Variants in RPA3 observed in about 807,000 individuals in gnomAD.
RPA3 encodes the protein replication protein A 14 kDa subunit.
A neutral mutation model predicts 13.7 loss-of-function variants in RPA3; 24 were observed. That is an observed-to-expected ratio of 1.75 (90% CI 1.27 to 2.46). The LOEUF (loss-of-function observed/expected upper bound fraction) is 2.46, where lower values mean the gene tolerates loss of function less well. Among genes scored for constraint, RPA3 ranks in the 30% most tolerant of loss-of-function variants. RPA3 has a pLI of 0.00. For synonymous variants in RPA3, 59 were observed against 51.2 expected, an observed-to-expected ratio of 1.15 and a Z score of -0.65; for missense variants, 183 against 151.0, an observed-to-expected ratio of 1.21 and a Z score of -1.11.
At chr7:7,655,097 C>T (rs62452504) in intron 4 of RPA3, among the ~76,000 whole-genome samples, 1 of 151,948 alleles carries the variant, frequency 6.6e-6, no homozygotes, top group African/African-American at 2.4e-5. Context: ...AGCAATGATT[C>T]CAGACAGTTC....
chr7:7,640,367 C>G lies in RPA3; in HGVS notation c.52G>C (p.Ala18Pro), dbSNP rs116339433. 30 of 1,614,132 alleles carry G rather than the reference C, an allele frequency of 1.9e-5. No individual in the cohort carries two copies. The highest frequency in any genetic ancestry group is 2.2e-5 in the Non-Finnish European group (26 of 1,180,038). ...PRSRINAGMLAQFIDKPVCFV... is the reference protein window; with the variant it reads ...PRSRINAGMLPQFIDKPVCFV... ...CAGACAGGCTTGTCGATGAATTGAG[C>G]TAGCATGCCGGCGTTGATGCGCGAC... The change falls in exon 5 of 8, where the codon GCT becomes CCT. Residue 18 changes from alanine (A) to proline (P), a missense_variant. Physicochemically the swap from Ala to Pro is conservative, Grantham distance 27. Transcript: ENST00000223129.
chr7:7,700,417 C>T (rs1458891332), intron 2 of RPA3, among the ~76,000 whole-genome samples: 1 of 152,028 alleles, frequency 6.6e-6, no homozygotes, highest in Non-Finnish European at 1.5e-5. Context: ...CACCTGAAGT[C>T]CAAAAATTTA....
At chr7:7,647,970 G>T (rs1023550387) in intron 4 of RPA3, among the ~76,000 whole-genome samples, 1 of 152,148 alleles carries the variant, frequency 6.6e-6, no homozygotes, top group Non-Finnish European at 1.5e-5. Flanking sequence ...GTTTTGGTTA[G>T]AATTTATTTG....
intron 4 of RPA3, among the ~76,000 whole-genome samples, chr7:7,676,971 T>TGAGACAA (rs1779757367): frequency 6.6e-6 from 1 of 152,172 alleles, no homozygotes; most frequent in Non-Finnish European, 1.5e-5. Context: ...TAATATCTAC[T>TGAGACAA]TTAGTCTCAG....
At chr7:7,649,015 A>G (rs945225390) in intron 4 of RPA3, among the ~76,000 whole-genome samples, 1 of 152,040 alleles carries the variant, frequency 6.6e-6, no homozygotes, top group African/African-American at 2.4e-5. Context: ...AAAATTAGCC[A>G]GGCATGGTGG....
At chr7:7,663,522 A>G (rs1785529435) in intron 4 of RPA3, among the ~76,000 whole-genome samples, 1 of 152,170 alleles carries the variant, frequency 6.6e-6, no homozygotes, top group African/African-American at 2.4e-5. Flanking sequence ...AAACAGGGGG[A>G]GAGTCTTTAT....
At chr7:7,710,683 A>C (rs895989825) in intron 2 of RPA3, among the ~76,000 whole-genome samples, 1 of 152,222 alleles carries the variant, frequency 6.6e-6, no homozygotes. Flanking sequence ...CGACTCAGCA[A>C]TTACACTTTG....
At chr7:7,699,182 A>G (rs1300868089) in intron 2 of RPA3, among the ~76,000 whole-genome samples, 2 of 152,032 alleles carry the variant, frequency 1.3e-5, no homozygotes, top group Admixed American at 6.6e-5. Flanking sequence ...AGGGGTGCTG[A>G]GTTGACTGAT....
At chr7:7,673,398 G>T (rs1779660614) in intron 4 of RPA3, 1 of 1,173,440 alleles carries the variant, frequency 8.5e-7, no homozygotes, top group African/African-American at 1.5e-5. Flanking sequence ...GAAAGCCTCC[G>T]GAATCTAAAA....
At chr7:7,707,658 T>C (rs888683848) in intron 2 of RPA3, among the ~76,000 whole-genome samples, 1 of 152,214 alleles carries the variant, frequency 6.6e-6, no homozygotes. Flanking sequence ...AAGACCTCTT[T>C]AGTTTTCTGT....
chr7:7,702,395 A>C (rs2115155896), intron 2 of RPA3, among the ~76,000 whole-genome samples: 1 of 152,194 alleles, frequency 6.6e-6, no homozygotes, highest in South Asian at 2.1e-4. Flanking sequence ...CTTATTTTTT[A>C]AATTGATATT....
chr7:7,656,035 A>G (rs946722968), intron 4 of RPA3, among the ~76,000 whole-genome samples: 1 of 152,054 alleles, frequency 6.6e-6, no homozygotes, highest in Admixed American at 6.5e-5. Flanking sequence ...GGGTTTCTCC[A>G]TGTTGGTCAG....
chr7:7,690,169 T>C (rs770813816), intron 2 of RPA3, among the ~76,000 whole-genome samples: 13 of 152,234 alleles, frequency 8.5e-5, no homozygotes, highest in Admixed American at 2.6e-4. Flanking sequence ...GCAATTCTGC[T>C]GATGATAATG....
chr7:7,684,885 A>T lies in RPA3; in HGVS notation c.-758+945T>A, dbSNP rs2115127808. Among the ~76,000 whole-genome samples the T allele has an allele frequency of 2.0e-5, 3 of 152,276 alleles. No homozygotes were observed. The South Asian group carries it at 6.2e-4, about 32-fold the overall frequency. ...TTTCACTATGGTACTATTTCCTTGA[A>T]GGGTGCTTATTCCATACAACATCTG... On this transcript the variant is annotated intron_variant, in intron 4 of 7. Transcript: ENST00000223129.
At chr7:7,670,450 A>G (rs764564416) in intron 4 of RPA3, among the ~76,000 whole-genome samples, 1 of 152,178 alleles carries the variant, frequency 6.6e-6, no homozygotes, top group African/African-American at 2.4e-5. Flanking sequence ...GGGAAGAGAA[A>G]ACTGTCCTAT....
intron 2 of RPA3, among the ~76,000 whole-genome samples, chr7:7,692,042 C>A (rs1327380275): frequency 1.3e-5 from 2 of 152,150 alleles, no homozygotes; most frequent in African/African-American, 4.8e-5. Flanking sequence ...ACACATAGTA[C>A]AGTATGTTGA....
At chr7:7,639,786 C>G (rs1784923373) in intron 5 of RPA3, 2 of 158,178 alleles carry the variant, frequency 1.3e-5, no homozygotes, top group Non-Finnish European at 1.4e-5. Context: ...TTTCAGGTCA[C>G]TGATTCCAAG....
At position 7,640,763 on chromosome 7, in the gene RPA3, G is replaced by A. The variant is rs1784949314; in HGVS notation, c.-345C>T. 4.1e-6 allele frequency: 1 copy of A among 246,826 alleles called. No homozygotes were observed. The highest frequency in any genetic ancestry group is 5.6e-5 in the Admixed American group (1 of 17,798). The allele number at this position is 246,826 out of a possible 1,614,324, so 15.3% of individuals were successfully genotyped here. A position where few individuals can be genotyped will look rare whatever the true frequency, so the allele number is the denominator to read the frequency against. On this transcript the variant is annotated 5_prime_UTR_variant, in exon 5 of 8. Transcript: ENST00000223129. The stretch of plus-strand genomic sequence containing the variant: ...GGATTCCCGGCGGTGACTTGACCCC[G>A]GAAGTGGGGTGTGAAGCTCCGGTGC...
intron 1 of RPA3, among the ~76,000 whole-genome samples, chr7:7,715,860 C>A (rs7456324): frequency 0.083 from 12,624 of 152,120 alleles, 619 homozygotes; most frequent in Non-Finnish European, 0.098. Flanking sequence ...AAAATAGTAT[C>A]GTGATAGCAT....
Sources: allele counts gnomAD v4.1 joint callset (sites outside exome capture counted in the v4.1 genomes callset), GRCh38; gene constraint gnomAD v4.1.1; transcripts MANE v1.5; gene names NCBI Gene and HGNC (gene_info 2026-07-23, HGNC 2026-07-21).